The following PHC2 variants were observed in gnomAD, a reference collection of about 807,000 sequenced individuals.
The protein encoded by PHC2 is polyhomeotic-like protein 2.
Under a neutral mutation model 87.4 loss-of-function variants are expected in PHC2, and 29 were observed. That is an observed-to-expected ratio of 0.33 (90% confidence interval 0.25 to 0.45). The LOEUF (loss-of-function observed/expected upper bound fraction) is 0.45. PHC2 is among the 20% of genes least tolerant of loss of function. The pLI, the probability that PHC2 is intolerant of heterozygous loss-of-function variation, is 1.00. For synonymous variants in PHC2, 438 were observed against 461.7 expected (o/e 0.95, Z 0.66); for missense variants, 857 against 1,136.7 (o/e 0.75, Z 3.54).
chr1:33,346,410 A>G (rs1646845320), intron 9 of PHC2: 1 of 985,414 alleles, frequency 1.0e-6, no homozygotes, highest in African/African-American at 1.7e-5. Context: ...TAAAAGAGAA[A>G]CTATCAATTA....
intron 1 of PHC2, among the ~76,000 whole-genome samples, chr1:33,422,721 A>C (rs553168816): frequency 1.3e-5 from 2 of 152,324 alleles, no homozygotes; most frequent in South Asian, 4.1e-4. Flanking sequence ...CTAAAAGCCA[A>C]GTTCTGCCCT....
intron 1 of PHC2, among the ~76,000 whole-genome samples, chr1:33,416,256 C>A (rs963041062): frequency 1.3e-5 from 2 of 151,950 alleles, no homozygotes; most frequent in African/African-American, 4.8e-5. Context: ...GACATTACAG[C>A]AACATAGATA....
intron 1 of PHC2, among the ~76,000 whole-genome samples, chr1:33,386,992 G>A (rs567048867): frequency 5.3e-5 from 8 of 152,348 alleles, no homozygotes; most frequent in Admixed American, 3.3e-4. Context: ...CCATTCTGCC[G>A]CTGCTATGTC....
At chr1:33,407,198 T>C (rs1361398582) in intron 1 of PHC2, among the ~76,000 whole-genome samples, 1 of 152,226 alleles carries the variant, frequency 6.6e-6, no homozygotes, top group African/African-American at 2.4e-5. Context: ...TCTTTATACA[T>C]AGTCAGGATA....
At chr1:33,373,960 C>G (rs1008261585) in intron 2 of PHC2, among the ~76,000 whole-genome samples, 2 of 152,286 alleles carry the variant, frequency 1.3e-5, no homozygotes, top group East Asian at 1.9e-4. Flanking sequence ...TCCGTGGGCT[C>G]TGGTGTCTCC....
At chr1:33,352,015 T>C (rs2148273768) in intron 9 of PHC2, among the ~76,000 whole-genome samples, 1 of 151,542 alleles carries the variant, frequency 6.6e-6, no homozygotes, top group Admixed American at 6.6e-5. Flanking sequence ...TGGTTGACAG[T>C]TGTTTCCACT....
At chr1:33,415,124 G>A (rs574893373) in intron 1 of PHC2, among the ~76,000 whole-genome samples, 1 of 152,274 alleles carries the variant, frequency 6.6e-6, no homozygotes, top group East Asian at 1.9e-4. Context: ...TCACCGAGTC[G>A]AGGTGACTGA....
rs945402308 is a variant in PHC2 at position 33,369,298 on chromosome 1, G to A, written c.577-676C>T. On this transcript the variant is annotated intron_variant, in intron 5 of 14. Transcript: ENST00000683057. This position sits in a 1 kb window ranked among gnomAD's most constrained non-coding sequence, Gnocchi z 4.7. ...AGTCTAGCTCTGCATCAGTGTGGAT[G>A]TGCTGGTGCCTTGACAGGGTGCTTT... is the stretch of plus-strand genomic sequence containing the variant. Among the ~76,000 whole-genome samples the A allele has an allele frequency of 5.3e-5, 8 of 152,196 alleles. No individual in the cohort carries two copies. The highest frequency in any genetic ancestry group is 1.7e-4 in the African/African-American group (7 of 41,436).
Position 33,331,146 on chromosome 1 carries a change from C to T in PHC2, c.2006+202G>A, listed in dbSNP as rs891626492. 2.0e-5 allele frequency among the ~76,000 whole-genome samples: 3 copies of T among 152,176 alleles called. No homozygotes were observed. The highest frequency in any genetic ancestry group is 2.9e-5 in the Non-Finnish European group (2 of 68,032). ...GCACTGCGGCTTTTCCTTGGACTCC[C>T]GCTGCTCTCTCCCACCTGCTCTTAG... On this transcript the variant is annotated intron_variant, in intron 12 of 14. Transcript: ENST00000683057. This position sits in a 1 kb window ranked among gnomAD's most constrained non-coding sequence, Gnocchi z 5.2.
intron 2 of PHC2, among the ~76,000 whole-genome samples, chr1:33,374,122 G>A (rs1199801610): frequency 6.6e-6 from 1 of 152,004 alleles, no homozygotes; most frequent in Admixed American, 6.6e-5. Flanking sequence ...CCTTTGCCTA[G>A]GCCTTTCTAT....
chr1:33,346,373 T>A lies in PHC2; in HGVS notation c.1558+8028A>T, dbSNP rs993984256. On this transcript the variant is annotated intron_variant, in intron 9 of 14. Transcript: ENST00000683057. The stretch of plus-strand genomic sequence containing the variant: ...AGTCATCATCATGATCATCTTTCAG[T>A]AGCAAAATGGCACAAAACAAAGGGA... The A allele has an allele frequency of 1.4e-5, 14 of 985,306 alleles. No homozygotes were observed. In the African/African-American group the frequency reaches 2.4e-4, roughly 17 times the overall value. The allele number at this position is 985,306 out of a possible 1,614,324, so 61.0% of individuals were successfully genotyped here. A position where few individuals can be genotyped will look rare whatever the true frequency, so the allele number is the denominator to read the frequency against.
rs910283007 is a variant in PHC2 at position 33,423,685 on chromosome 1, A to G, written c.-55+7291T>C. ...AATTAAGTTCACATTACCCTATACT[A>G]AAAAAATTAATTTGGGGCAAAACTT... On this transcript the variant is annotated intron_variant, in intron 1 of 14. Coordinates refer to ENST00000683057, the MANE Select transcript of PHC2 (RefSeq NM_001385109.1). 2.0e-5 allele frequency among the ~76,000 whole-genome samples: 3 copies of G among 152,234 alleles called. No individual in the cohort carries two copies. The East Asian group carries it at 5.8e-4, about 29-fold the overall frequency.
chr1:33,334,894 G>T lies in PHC2; in HGVS notation c.1559-602C>A, dbSNP rs1276268171. Among the ~76,000 whole-genome samples the T allele has an allele frequency of 6.6e-6, 1 of 152,222 alleles. No individual in the cohort carries two copies. Among genetic ancestry groups the T allele is most frequent in the Non-Finnish European group, 1.5e-5 (1 of 68,040 alleles). On this transcript the variant is annotated intron_variant, in intron 9 of 14. Coordinates refer to ENST00000683057, the MANE Select transcript of PHC2 (RefSeq NM_001385109.1). This position sits in a 1 kb window ranked among gnomAD's most constrained non-coding sequence, Gnocchi z 5.5. ...ACTATTCAGAGACTGGTCATCTGGGGTCAGTGCATTGAAATATGCAGAAAT... is the reference window on the plus strand; with the variant it reads ...ACTATTCAGAGACTGGTCATCTGGGTTCAGTGCATTGAAATATGCAGAAAT...
chr1:33,351,931 GAC>G (rs1243312309), intron 9 of PHC2, among the ~76,000 whole-genome samples: 1 of 126,642 alleles, frequency 7.9e-6, no homozygotes, highest in Non-Finnish European at 1.6e-5. Context: ...CAGCCTGGGC[GAC>G]AGAGTAAGAA....
At position 33,330,074 on chromosome 1, in the gene PHC2, C is replaced by T. The variant is rs143708322; in HGVS notation, c.2145G>A (p.Lys715=). 82 of 1,613,682 alleles carry T rather than the reference C, an allele frequency of 5.1e-5. No homozygotes were observed. In the East Asian group the frequency reaches 6.0e-4, roughly 12 times the overall value. ...SLPPLTKDTK[K]QPTGTVPLSV... Reference sequence around the variant, plus strand: ...TCAGGCTCTGCCCGCCTCTTACCTGCTTCTTGGTATCCTTGGTAAGTGGTG... The same window carrying T: ...TCAGGCTCTGCCCGCCTCTTACCTGTTTCTTGGTATCCTTGGTAAGTGGTG... The change falls in exon 13 of 15, where the codon AAG becomes AAA. Residue 715 remains lysine (K), a synonymous_variant. Transcript: ENST00000683057.
intron 1 of PHC2, among the ~76,000 whole-genome samples, chr1:33,426,878 C>A (rs577871584): frequency 6.6e-6 from 1 of 152,214 alleles, no homozygotes; most frequent in African/African-American, 2.4e-5. Flanking sequence ...ATTTGTGGGG[C>A]CTGGTGCAAA....
rs1212840733 is a variant in PHC2 at position 33,332,428 on chromosome 1, C to A, written c.1762-24G>T. 4 of 1,613,976 alleles carry A rather than the reference C, an allele frequency of 2.5e-6. No individual in the cohort carries two copies. The highest frequency in any genetic ancestry group is 3.4e-6 in the Non-Finnish European group (4 of 1,179,914). Reference sequence around the variant, plus strand: ...ACCTAGAGGACAGGTAACACGGAGGCCGTGAGGGTCAGGTGGGAGCGGCTT... The same window carrying A: ...ACCTAGAGGACAGGTAACACGGAGGACGTGAGGGTCAGGTGGGAGCGGCTT... On this transcript the variant is annotated intron_variant, in intron 10 of 14. Transcript: ENST00000683057. This position sits in a 1 kb window ranked among gnomAD's most constrained non-coding sequence, Gnocchi z 4.2.
At chr1:33,389,677 T>C (rs1471477170) in intron 1 of PHC2, among the ~76,000 whole-genome samples, 1 of 152,186 alleles carries the variant, frequency 6.6e-6, no homozygotes, top group Non-Finnish European at 1.5e-5. Flanking sequence ...GCTATTAACA[T>C]TCCTTTCTAG....
chr1:33,400,347 T>C (rs1278926058), intron 1 of PHC2, among the ~76,000 whole-genome samples: 1 of 152,256 alleles, frequency 6.6e-6, no homozygotes, highest in African/African-American at 2.4e-5. Context: ...CACCACTGCA[T>C]TGTTTGTCAT....
Sources: gnomAD v4.1 joint callset for allele counts (sites outside exome capture counted in the v4.1 genomes callset) on GRCh38, gnomAD v4.1.1 for gene constraint, Gnocchi (gnomAD v3.1) non-coding constraint, MANE v1.5 for transcripts, NCBI Gene and HGNC (gene_info 2026-07-23, HGNC 2026-07-21) for gene names.